UBR4: variants seen among roughly 807,000 people sequenced by gnomAD.
UBR4 encodes ubiquitin protein ligase E3 component n-recognin 4, also known as E3 ubiquitin-protein ligase UBR4.
UBR4 carries 124 observed loss-of-function variants against 575.6 expected under a neutral mutation model. The observed-to-expected ratio is 0.22, with a 90% CI of 0.19 to 0.25. UBR4 has a LOEUF of 0.25. UBR4 is among the 10% of genes least tolerant of loss of function. The pLI is 1.00. For missense variants in UBR4, 4,818 were observed against 6,478.8 expected, an observed-to-expected ratio of 0.74 and a Z score of 8.80; for synonymous variants, 2,455 against 2,473.7, an observed-to-expected ratio of 0.99 and a Z score of 0.22.
At chr1:19,127,827 C>T in intron 62 of UBR4, 88 bp from the exon 63 acceptor site, 1 of 1,098,340 alleles carries the variant, frequency 9.1e-7, no homozygotes, top group Non-Finnish European at 1.4e-6. Context: ...TCAAGCCCAT[C>T]AGCCCTAAAA....
chr1:19,144,691 A>G (rs1571072892), intron 54 of UBR4, 95 bp downstream of exon 54: 10 of 1,496,082 alleles, frequency 6.7e-6, no homozygotes, highest in Non-Finnish European at 9.0e-6. Context: ...AGCTTCCTCT[A>G]AATATATTTT....
chr1:19,174,024 C>A (rs1028019555), intron 22 of UBR4, among the ~76,000 whole-genome samples: 1 of 152,120 alleles, frequency 6.6e-6, no homozygotes, highest in Non-Finnish European at 1.5e-5. Context: ...AAATCTCAAG[C>A]GTGAGGCTTT....
rs1216459162 is a variant in UBR4, at chr1:19,118,872, T to C, written c.10541A>G (p.Asn3514Ser). Reference sequence around the variant, plus strand: ...AGGTAGAAAGCAAAACAAAGCTCACTTATAAATGTTCGAGTTGGGGTGGTT... The same window carrying C: ...AGGTAGAAAGCAAAACAAAGCTCACCTATAAATGTTCGAGTTGGGGTGGTT... The part of the protein sequence containing the change: ...LTNHPNSNIY[N>S]TLSGLVEFDG... The change falls in exon 71 of 106, where the codon AAC (asparagine) becomes AGC (serine). Residue 3514 changes from asparagine (N) to serine (S), a missense_variant and splice_region_variant. Around this residue, in one of 29 missense-constraint regions of UBR4, gnomAD observed 550 missense variants for 791.5 expected, o/e 0.69. Transcript: ENST00000375254. 6.2e-7 allele frequency: 1 copy of C among 1,614,162 alleles called. No individual in the cohort carries two copies. The highest frequency in any genetic ancestry group is 1.7e-5 in the Admixed American group (1 of 60,026).
intron 87 of UBR4, among the ~76,000 whole-genome samples, chr1:19,103,823 T>C (rs754515398): frequency 3.9e-5 from 6 of 152,206 alleles, no homozygotes; most frequent in Admixed American, 6.5e-5. Flanking sequence ...TCCAGACTGA[T>C]AGAAGACACC....
chr1:19,173,052 C>G lies in UBR4; in HGVS notation c.3333G>C (p.Gln1111His), dbSNP rs7418519. ...FCSIDCTTIL[Q>H]LHEIPSLQSI... ...ACTGCAGACTGGGAATTTCATGCAGCTGCAAGATGGTGGTACAGTCGATAC... is the reference window on the plus strand; with the variant it reads ...ACTGCAGACTGGGAATTTCATGCAGGTGCAAGATGGTGGTACAGTCGATAC... Residue 1111 changes from glutamine to histidine, a missense_variant, in exon 25 of 106, where the codon CAG becomes CAC. Gln to His is a conservative substitution (Grantham distance 24). This residue lies in a region of UBR4 where 1,172 missense variants were observed against 1,259.7 expected (regional missense o/e 0.93). Coordinates refer to ENST00000375254, the MANE Select transcript of UBR4 (RefSeq NM_020765.3). The G allele has an allele frequency of 2.5e-6, 4 of 1,614,144 alleles. No individual in the cohort carries two copies. The South Asian group carries it at 4.4e-5, about 18-fold the overall frequency.
At chr1:19,175,259 T>C (rs915117004) in intron 20 of UBR4, among the ~76,000 whole-genome samples, 23 of 149,934 alleles carry the variant, frequency 1.5e-4, no homozygotes, top group Non-Finnish European at 3.1e-4. Context: ...CACCCCCAGT[T>C]GTGACAACCA....
rs762779710 is a variant in UBR4, at chr1:19,145,899, C to A, written c.7839G>T (p.Gln2613His). ...GMDEGKEPQK[Q>H]LEGDCCSFIT... ...TGAAACTACAGCAATCTCCTTCCAA[C>A]TGCTTCTGCGGTTCCTTCCCTTCAT... The change falls in exon 53 of 106, where the codon CAG becomes CAT. Residue 2613 changes from glutamine (Q) to histidine (H), a missense_variant. Transcript: ENST00000375254. The A allele has an allele frequency of 1.2e-6, 2 of 1,614,098 alleles. No individual in the cohort carries two copies. Among genetic ancestry groups the A allele is most frequent in the African/African-American group, 2.7e-5 (2 of 74,950 alleles).
intron 75 of UBR4, 25 bp downstream of exon 75, chr1:19,114,786 G>A: frequency 6.2e-7 from 1 of 1,613,400 alleles, no homozygotes; most frequent in African/African-American, 1.3e-5. Context: ...CCACAGCCCT[G>A]AGTCTAGGCC....
At chr1:19,099,775 C>A (rs1009392690) in intron 89 of UBR4, 98 bp from the exon 90 acceptor site, 9 of 1,006,906 alleles carry the variant, frequency 8.9e-6, no homozygotes, top group Non-Finnish European at 1.3e-5. Context: ...TGATAATTCA[C>A]AATTTTTATA....
intron 90 of UBR4, among the ~76,000 whole-genome samples, chr1:19,099,065 G>A (rs942181): frequency 0.62 from 93,756 of 152,042 alleles, 29,262 homozygotes; most frequent in East Asian, 0.8. Context: ...ATCACTCGTG[G>A]TGGCCAAAAG....
chr1:19,155,861 AGGGG>A (rs2086368232), intron 42 of UBR4, among the ~76,000 whole-genome samples, 193 bp from the exon 43 acceptor site: 2 of 152,344 alleles, frequency 1.3e-5, no homozygotes, highest in South Asian at 4.1e-4. Flanking sequence ...AGGAATGAGT[AGGGG>A]ACAGACATAC....
chr1:19,166,883 G>A (rs1039359189), intron 29 of UBR4, 139 bp downstream of exon 29: 31 of 969,164 alleles, frequency 3.2e-5, no homozygotes, highest in Middle Eastern at 6.6e-4. Context: ...GCGACAGAGC[G>A]AGACCATGTC....
In UBR4 at chr1:19,150,735, G is replaced by C; in HGVS notation, c.7272C>G (p.Gly2424=). The change falls in exon 49 of 106, where the codon GGC becomes GGG. Residue 2424 remains glycine, a synonymous_variant. Coordinates refer to ENST00000375254, the MANE Select transcript of UBR4 (RefSeq NM_020765.3). ...VTMIDAVKIY[G]KTKEQFGWPD... ...GCCAGCCAAACTGCTCCTTAGTCTT[G>C]CCATAAATTTTTACAGCATCTATCA... The C allele has an allele frequency of 1.2e-6, 2 of 1,614,026 alleles. No homozygotes were observed. The highest frequency in any genetic ancestry group is 1.7e-6 in the Non-Finnish European group (2 of 1,179,990).
chr1:19,177,684 T>A lies in UBR4; in HGVS notation c.2414A>T (p.Asp805Val). The A allele has an allele frequency of 6.2e-7, 1 of 1,613,914 alleles. No individual in the cohort carries two copies. Among genetic ancestry groups the A allele is most frequent in the Non-Finnish European group, 8.5e-7 (1 of 1,179,976 alleles). ...LQGVVPSETE[D>V]LNVEHLQMLL... Reference sequence around the variant, plus strand: ...CATCTGCAGGTGTTCTACATTCAGATCCTCTGTCTCACTGGGCACCACACC... The same window carrying A: ...CATCTGCAGGTGTTCTACATTCAGAACCTCTGTCTCACTGGGCACCACACC... The change falls in exon 19 of 106, where the codon GAT becomes GTT. Residue 805 changes from aspartate to valine, a missense_variant. Asp to Val is a radical substitution (Grantham distance 152, BLOSUM62 -3). Transcript: ENST00000375254.
chr1:19,084,388 G>T, intron 102 of UBR4, 116 bp downstream of exon 102: 2 of 1,135,754 alleles, frequency 1.8e-6, no homozygotes, highest in Non-Finnish European at 2.5e-6. Flanking sequence ...GCTGCCTTAG[G>T]CCAGACGCTT....
rs763438768 is a variant in UBR4 at position 19,156,749 on chromosome 1, C to A, written c.5919+18G>T. 1 of 1,610,218 alleles carries A rather than the reference C, an allele frequency of 6.2e-7. No individual in the cohort carries two copies. The highest frequency in any genetic ancestry group is 1.1e-5 in the South Asian group (1 of 90,712). ...AATCCACAGCTCAAGGCAATCAAAC[C>A]TAGATCCGGATTTTTACCTTTAGCC... On this transcript the variant is annotated intron_variant, in intron 41 of 105. Transcript: ENST00000375254.
In UBR4 at chr1:19,120,220, C is replaced by A; in HGVS notation, c.10270G>T (p.Val3424Leu). The A allele has an allele frequency of 1.2e-6, 2 of 1,614,166 alleles. No homozygotes were observed. Among genetic ancestry groups the A allele is most frequent in the Non-Finnish European group, 1.7e-6 (2 of 1,180,022 alleles). The change falls in exon 69 of 106, where the codon GTG becomes TTG. Residue 3424 changes from valine to leucine, a missense_variant. This residue lies in a region of UBR4 where 550 missense variants were observed against 791.5 expected (regional missense o/e 0.69). Coordinates refer to ENST00000375254, the MANE Select transcript of UBR4 (RefSeq NM_020765.3). ...GTCAGACAGTGGGCCTGCCAGCGCACCGAGGAAGAATTGGACTCTAACAGG... is the reference window on the plus strand; with the variant it reads ...GTCAGACAGTGGGCCTGCCAGCGCAACGAGGAAGAATTGGACTCTAACAGG... The part of the protein sequence containing the change: ...CFLLESNSSS[V>L]RWQAHCLTLH...
intron 17 of UBR4, among the ~76,000 whole-genome samples, chr1:19,180,452 G>A (rs1401339247): frequency 3.3e-5 from 5 of 151,194 alleles, no homozygotes; most frequent in Admixed American, 1.3e-4. Flanking sequence ...CAAGTGCCAC[G>A]GCGCCCAGCC....
intron 102 of UBR4, chr1:19,081,897 T>A: frequency 1.6e-6 from 1 of 620,622 alleles, no homozygotes; most frequent in Admixed American, 2.9e-5. Context: ...CTCCCCAACA[T>A]GGAACTGTGC....
Sources: gnomAD v4.1 joint callset for allele counts (sites outside exome capture counted in the v4.1 genomes callset) on GRCh38, gnomAD v4.1.1 for gene constraint, gnomAD v4.1.1 regional missense constraint, MANE v1.5 for transcripts, NCBI Gene and HGNC (gene_info 2026-07-23, HGNC 2026-07-21) for gene names.